PPP1R14C: variants seen among roughly 807,000 people sequenced by gnomAD.
The protein encoded by PPP1R14C is protein phosphatase 1 regulatory subunit 14C.
In PPP1R14C, 16 loss-of-function variants were observed where a neutral mutation model predicts 20.4. The ratio of observed to expected loss-of-function variants is 0.78; its 90% CI spans 0.53 to 1.19. The LOEUF is 1.19. Among genes scored for constraint, PPP1R14C ranks in the 50% most tolerant of loss-of-function variants. The pLI is 0.00. For synonymous variants in PPP1R14C, 91 were observed against 91.0 expected (o/e 1.00, Z 0.00); for missense variants, 211 against 220.1 (o/e 0.96, Z 0.26).
In PPP1R14C at chr6:150,243,474, A is replaced by C. The variant is rs375610466; in HGVS notation, c.424-5272A>C. ...ATTACAGGCATGAGCCACGGCACCC[A>C]GCCCTAAAGCTCTTAAGGAAATTTA... is the stretch of plus-strand genomic sequence containing the variant. On this transcript the variant is annotated intron_variant, in intron 3 of 3. Transcript: ENST00000361131. Among the ~76,000 whole-genome samples the C allele has an allele frequency of 3.2e-4, 49 of 152,220 alleles. No individual in the cohort carries two copies. In the East Asian group the frequency reaches 8.3e-3, roughly 26 times the overall value.
chr6:150,183,371 T>A (rs1777643524), intron 1 of PPP1R14C, among the ~76,000 whole-genome samples: 1 of 152,156 alleles, frequency 6.6e-6, no homozygotes, highest in Non-Finnish European at 1.5e-5. Context: ...GGAAGTAGAA[T>A]AAAAAATAAA....
intron 1 of PPP1R14C, among the ~76,000 whole-genome samples, chr6:150,152,799 C>T (rs973176974): frequency 6.6e-6 from 1 of 152,216 alleles, no homozygotes; most frequent in African/African-American, 2.4e-5. Context: ...GTGACTCTCA[C>T]ACACCTGGCT....
chr6:150,209,983 CTGTGTATATATTTGTGTATGTT>C (rs1416928895), intron 1 of PPP1R14C, among the ~76,000 whole-genome samples: 4 of 148,534 alleles, frequency 2.7e-5, no homozygotes, highest in African/African-American at 5.0e-5. Flanking sequence ...GTGTGTATGT[CTGTGTATATATTTGTGTATGTT>C]TGTGTATATA....
At chr6:150,174,463 A>G (rs917858072) in intron 1 of PPP1R14C, among the ~76,000 whole-genome samples, 170 of 151,438 alleles carry the variant, frequency 1.1e-3, no homozygotes, top group Non-Finnish European at 1.5e-3. Context: ...TGATCCGCCC[A>G]CCTTGGCCTC....
At chr6:150,189,378 A>G (rs1199316009) in intron 1 of PPP1R14C, among the ~76,000 whole-genome samples, 1 of 152,168 alleles carries the variant, frequency 6.6e-6, no homozygotes, top group African/African-American at 2.4e-5. Flanking sequence ...GCGCCACCCC[A>G]GACAGGGATC....
chr6:150,198,569 T>C (rs1777838330), intron 1 of PPP1R14C, among the ~76,000 whole-genome samples: 1 of 152,272 alleles, frequency 6.6e-6, no homozygotes, highest in Non-Finnish European at 1.5e-5. Context: ...TTGTGGAAGA[T>C]GGTTTTCTTG....
At position 150,161,579 on chromosome 6, in the gene PPP1R14C, G is replaced by A. The variant is rs2114859816; in HGVS notation, c.306+18081G>A. 2.0e-5 allele frequency among the ~76,000 whole-genome samples: 3 copies of A among 152,280 alleles called. No homozygotes were observed. In the Middle Eastern group the frequency reaches 0.01, roughly 518 times the overall value. On this transcript the variant is annotated intron_variant, in intron 1 of 3. Transcript: ENST00000361131. ...CTCCTACTCCAACAGAGACAAACCT[G>A]TGGTTCCCACCATCCGTATCCATTC...
At position 150,247,296 on chromosome 6, in the gene PPP1R14C, G is replaced by A. The variant is rs149507704; in HGVS notation, c.424-1450G>A. 3.4e-3 allele frequency among the ~76,000 whole-genome samples: 524 copies of A among 152,260 alleles called. 4 individuals carry two copies. The highest frequency in any genetic ancestry group is 0.012 in the African/African-American group (506 of 41,552). ...TCAGTTCTGTCACTTACTGACTGTCGCTTGCTGATCAGAAAGTCTGATTGG... is the reference window on the plus strand; with the variant it reads ...TCAGTTCTGTCACTTACTGACTGTCACTTGCTGATCAGAAAGTCTGATTGG... On this transcript the variant is annotated intron_variant, in intron 3 of 3. Coordinates refer to ENST00000361131, the MANE Select transcript of PPP1R14C (RefSeq NM_030949.3).
At chr6:150,231,046 G>T (rs1242946314) in intron 3 of PPP1R14C, among the ~76,000 whole-genome samples, 1 of 152,226 alleles carries the variant, frequency 6.6e-6, no homozygotes, top group Non-Finnish European at 1.5e-5. Context: ...GAATATGAAA[G>T]TCATGGGCCC....
intron 1 of PPP1R14C, among the ~76,000 whole-genome samples, chr6:150,210,982 C>T (rs915267642): frequency 1.7e-4 from 26 of 152,232 alleles, no homozygotes; most frequent in African/African-American, 4.8e-4. Context: ...CATCTTGTCT[C>T]TTTGCCTCCT....
chr6:150,218,120 T>C (rs2114913393), intron 3 of PPP1R14C, among the ~76,000 whole-genome samples: 1 of 152,088 alleles, frequency 6.6e-6, no homozygotes, highest in East Asian at 1.9e-4. Flanking sequence ...GAAAAAAAAA[T>C]TGGCCTGTCG....
chr6:150,154,712 A>T (rs1777287663), intron 1 of PPP1R14C, among the ~76,000 whole-genome samples: 1 of 152,212 alleles, frequency 6.6e-6, no homozygotes, highest in Non-Finnish European at 1.5e-5. Context: ...GTGGGAGCGT[A>T]TCCATCCTGC....
At chr6:150,174,109 C>T (rs4870348) in intron 1 of PPP1R14C, among the ~76,000 whole-genome samples, 17,439 of 145,076 alleles carry the variant, frequency 0.12, 1,338 homozygotes, top group East Asian at 0.44. Context: ...TAGGTGCATA[C>T]GTTGTGAAAT....
Position 150,166,065 on chromosome 6 carries a change from C to T in PPP1R14C, c.306+22567C>T, listed in dbSNP as rs530187857. Among the ~76,000 whole-genome samples the T allele has an allele frequency of 5.3e-5, 8 of 149,802 alleles. No individual in the cohort carries two copies. In the South Asian group the frequency reaches 6.6e-4, roughly 12 times the overall value. ...ATACCATGTGTCACATGCCACATAC[C>T]GCTCTTCTTCTTCTTTTTTTTTTTT... On this transcript the variant is annotated intron_variant, in intron 1 of 3. Coordinates refer to ENST00000361131, the MANE Select transcript of PPP1R14C (RefSeq NM_030949.3).
intron 1 of PPP1R14C, among the ~76,000 whole-genome samples, chr6:150,183,518 C>T (rs1363340849): frequency 1.4e-5 from 2 of 147,370 alleles, no homozygotes; most frequent in East Asian, 3.9e-4. Flanking sequence ...TGGGACATTT[C>T]TTTTTTTTTT....
chr6:150,215,952 C>T (rs548868218), intron 2 of PPP1R14C, among the ~76,000 whole-genome samples: 7 of 152,184 alleles, frequency 4.6e-5, no homozygotes, highest in Non-Finnish European at 1.0e-4. Flanking sequence ...TGTGTGCATG[C>T]GCGTGTGCAT....
chr6:150,144,377 T>C (rs1410370246), intron 1 of PPP1R14C, among the ~76,000 whole-genome samples: 4 of 152,242 alleles, frequency 2.6e-5, no homozygotes, highest in South Asian at 2.1e-4. Flanking sequence ...GGGAGAAATA[T>C]GTAGAATAAA....
At chr6:150,146,963 T>C (rs985441188) in intron 1 of PPP1R14C, among the ~76,000 whole-genome samples, 1 of 152,138 alleles carries the variant, frequency 6.6e-6, no homozygotes, top group South Asian at 2.1e-4. Flanking sequence ...AGTGCTTTTA[T>C]TGGATTCCAA....
At chr6:150,156,655 G>A (rs996682468) in intron 1 of PPP1R14C, among the ~76,000 whole-genome samples, 1 of 152,114 alleles carries the variant, frequency 6.6e-6, no homozygotes, top group African/African-American at 2.4e-5. Flanking sequence ...TTTGTGTTGG[G>A]GTGTGGCAGC....
Sources: allele counts gnomAD v4.1 joint callset (sites outside exome capture counted in the v4.1 genomes callset), GRCh38; gene constraint gnomAD v4.1.1; transcripts MANE v1.5; gene names NCBI Gene and HGNC (gene_info 2026-07-23, HGNC 2026-07-21).